The following CDH12 variants were observed in gnomAD, a reference collection of about 807,000 sequenced individuals.
CDH12 encodes the protein cadherin-12.
A neutral mutation model predicts 74.1 loss-of-function variants in CDH12; 41 were observed. The ratio of observed to expected loss-of-function variants is 0.55; its 90% CI spans 0.43 to 0.72. The LOEUF (loss-of-function observed/expected upper bound fraction) is 0.72. Among genes scored for constraint, CDH12 ranks in the 30% least tolerant of loss-of-function variants. The pLI is 0.00. For synonymous variants in CDH12, 399 were observed against 355.0 expected, an observed-to-expected ratio of 1.12 and a Z score of -1.39; for missense variants, 945 against 977.2, an observed-to-expected ratio of 0.97 and a Z score of 0.44.
intron 1 of CDH12, among the ~76,000 whole-genome samples, chr5:22,699,588 G>A (rs1243944788): frequency 6.6e-6 from 1 of 152,002 alleles, no homozygotes; most frequent in Non-Finnish European, 1.5e-5. Flanking sequence ...TCTAGGATCT[G>A]GTCCCAAGAA....
At chr5:22,394,826 T>C (rs890116961) in intron 3 of CDH12, among the ~76,000 whole-genome samples, 1 of 152,154 alleles carries the variant, frequency 6.6e-6, no homozygotes, top group African/African-American at 2.4e-5. Context: ...CTCATGCATA[T>C]CTAAGTTAAA....
intron 13 of CDH12, among the ~76,000 whole-genome samples, chr5:21,757,548 T>C (rs1744471329): frequency 6.6e-6 from 1 of 152,166 alleles, no homozygotes; most frequent in Non-Finnish European, 1.5e-5. Flanking sequence ...TTATTTCCTC[T>C]CTAAATGCTT....
At chr5:22,485,520 A>G (rs1746556330) in intron 2 of CDH12, among the ~76,000 whole-genome samples, 1 of 152,144 alleles carries the variant, frequency 6.6e-6, no homozygotes, top group African/African-American at 2.4e-5. Flanking sequence ...TTTTATTCTT[A>G]TGCTTTTTTC....
At chr5:22,203,857 A>AT (rs1356265161) in intron 4 of CDH12, among the ~76,000 whole-genome samples, 1 of 152,114 alleles carries the variant, frequency 6.6e-6, no homozygotes, top group East Asian at 1.9e-4. Context: ...GATGTTGAGC[A>AT]TTTTTTCATG....
intron 1 of CDH12, among the ~76,000 whole-genome samples, chr5:22,528,775 T>C (rs1580735854): frequency 6.6e-6 from 1 of 151,970 alleles, no homozygotes; most frequent in Non-Finnish European, 1.5e-5. Flanking sequence ...TGATTAGGAG[T>C]GTCACTGATG....
At position 22,514,735 on chromosome 5, in the gene CDH12, A is replaced by G. The variant is rs1736737228; in HGVS notation, c.-522-9371T>C. ...GGTGTGCAGTGCCTTCCAGATGAAC[A>G]TAATCATCCCCTTAGAAAATAACTC... On this transcript the variant is annotated intron_variant, in intron 1 of 14. Transcript: ENST00000382254. Among the ~76,000 whole-genome samples the G allele has an allele frequency of 3.3e-5, 5 of 152,336 alleles. No individual in the cohort carries two copies. The South Asian group carries it at 8.3e-4, about 25-fold the overall frequency.
chr5:22,193,244 A>C (rs1473660597), intron 4 of CDH12, among the ~76,000 whole-genome samples: 1 of 152,222 alleles, frequency 6.6e-6, no homozygotes, highest in Non-Finnish European at 1.5e-5. Flanking sequence ...TAAAGATATC[A>C]TAACTTCTCA....
chr5:21,797,494 A>G (rs1295889593), intron 10 of CDH12, among the ~76,000 whole-genome samples: 1 of 152,140 alleles, frequency 6.6e-6, no homozygotes, highest in African/African-American at 2.4e-5. Context: ...AGGACATGGA[A>G]CAAAGACAGG....
intron 8 of CDH12, among the ~76,000 whole-genome samples, chr5:21,833,136 A>ATATAT (rs1554035471): frequency 4.2e-5 from 1 of 24,048 alleles, no homozygotes; most frequent in African/African-American, 5.0e-4. Flanking sequence ...TATATTATAA[A>ATATAT]TATATATTAT....
chr5:21,985,041 A>T (rs1369378667), intron 5 of CDH12, among the ~76,000 whole-genome samples: 2 of 151,966 alleles, frequency 1.3e-5, no homozygotes, highest in Non-Finnish European at 2.9e-5. Context: ...CTCTCTCCAA[A>T]TATCTTTGTA....
At chr5:22,704,774 T>C (rs1368127198) in intron 1 of CDH12, among the ~76,000 whole-genome samples, 2 of 152,086 alleles carry the variant, frequency 1.3e-5, no homozygotes, top group African/African-American at 2.4e-5. Context: ...CAAAACTATA[T>C]TATCATACGT....
At chr5:22,305,808 T>C (rs1245743241) in intron 3 of CDH12, among the ~76,000 whole-genome samples, 3 of 152,190 alleles carry the variant, frequency 2.0e-5, no homozygotes, top group Non-Finnish European at 4.4e-5. Flanking sequence ...GTAAATGTTT[T>C]CTATCTGTTA....
chr5:22,148,505 T>C lies in CDH12; in HGVS notation c.-187+63993A>G, dbSNP rs538261700. On this transcript the variant is annotated intron_variant, in intron 4 of 14. Coordinates refer to ENST00000382254, the MANE Select transcript of CDH12 (RefSeq NM_004061.5). ...CTATATTAATTTTCTAAGGCTGCCA[T>C]AGCAAATTTGCACAAACTTGGCATC... Among the ~76,000 whole-genome samples the C allele has an allele frequency of 9.2e-5, 14 of 151,922 alleles. No individual in the cohort carries two copies. In the South Asian group the frequency reaches 2.5e-3, roughly 27 times the overall value.
intron 1 of CDH12, among the ~76,000 whole-genome samples, chr5:22,735,908 T>A (rs893501850): frequency 2.6e-5 from 4 of 151,848 alleles, no homozygotes; most frequent in Admixed American, 6.6e-5. Flanking sequence ...AAGATAGTCT[T>A]TAAGAGATTA....
intron 1 of CDH12, among the ~76,000 whole-genome samples, chr5:22,563,851 T>A (rs1248564950): frequency 6.6e-6 from 1 of 152,006 alleles, no homozygotes; most frequent in East Asian, 1.9e-4. Flanking sequence ...GCAGAGAAAC[T>A]CCCATTTTTA....
intron 10 of CDH12, among the ~76,000 whole-genome samples, chr5:21,791,353 G>T (rs1411334278): frequency 1.3e-5 from 2 of 152,044 alleles, no homozygotes; most frequent in Non-Finnish European, 2.9e-5. Flanking sequence ...ATATGGCCCA[G>T]TTCTTAAAGG....
rs113641421 is a variant in CDH12, at chr5:22,810,905, ATG to A, written c.-523+42151_-523+42152del. Among the ~76,000 whole-genome samples the A allele has an allele frequency of 6.8e-3, 994 of 146,626 alleles. 11 individuals are homozygous for A. Among genetic ancestry groups the A allele is most frequent in the African/African-American group, 0.02 (775 of 39,352 alleles). On this transcript the variant is annotated intron_variant, in intron 1 of 14. Transcript: ENST00000382254. ...TCAAAAAACAAAAACAAACAAATAT[ATG>A]TGTGTGTGTGTGTGTGTGTGTGTAT...
At chr5:22,344,722 A>T (rs978085195) in intron 3 of CDH12, among the ~76,000 whole-genome samples, 4 of 152,226 alleles carry the variant, frequency 2.6e-5, no homozygotes, top group African/African-American at 7.2e-5. Flanking sequence ...TGAAAGCAAT[A>T]TGTATTTTCC....
chr5:22,338,573 G>T (rs1402556143), intron 3 of CDH12, among the ~76,000 whole-genome samples: 1 of 152,052 alleles, frequency 6.6e-6, no homozygotes, highest in African/African-American at 2.4e-5. Flanking sequence ...ATAACTAAAA[G>T]TTTTTTTGTA....
Sources: gnomAD v4.1 joint callset for allele counts (sites outside exome capture counted in the v4.1 genomes callset) on GRCh38, gnomAD v4.1.1 for gene constraint, MANE v1.5 for transcripts, NCBI Gene and HGNC (gene_info 2026-07-23, HGNC 2026-07-21) for gene names.